The following PRIMA1 variants were observed in gnomAD, a reference collection of about 807,000 sequenced individuals.
The protein encoded by PRIMA1 is proline rich membrane anchor 1, also known as proline-rich membrane anchor 1.
In PRIMA1, 7 loss-of-function variants were observed where a neutral mutation model predicts 17.5. The observed-to-expected ratio is 0.40, with a 90% CI of 0.23 to 0.75. The LOEUF is 0.75. PRIMA1 is among the 30% of genes least tolerant of loss of function. The probability of loss-of-function intolerance (pLI) is 0.37; values close to 1 mark genes in which losing one functional copy is unlikely to be tolerated. For synonymous variants in PRIMA1, 97 were observed against 77.9 expected, an observed-to-expected ratio of 1.25 and a Z score of -1.29; for missense variants, 200 against 201.8, an observed-to-expected ratio of 0.99 and a Z score of 0.05.
chr14:93,721,399 G>T lies in PRIMA1; in HGVS notation c.*45C>A. ...CACCTGCTTTCCCATGTCCACCAGT[G>T]CCACCAAGGTGTCCCTCTGGCCAGC... is the stretch of plus-strand genomic sequence containing the variant. On this transcript the variant is annotated 3_prime_UTR_variant, in exon 5 of 5. Coordinates refer to ENST00000393140, the MANE Select transcript of PRIMA1 (RefSeq NM_178013.4). 1 of 1,292,390 alleles carries T rather than the reference G, an allele frequency of 7.7e-7. No individual in the cohort carries two copies. Among genetic ancestry groups the T allele is most frequent in the Non-Finnish European group, 1.1e-6 (1 of 891,186 alleles). 80.1% of individuals were successfully genotyped at this position (1,292,390 alleles called of 1,614,324 possible). A position where few individuals can be genotyped will look rare whatever the true frequency, so the allele number is the denominator to read the frequency against.
At chr14:93,721,711 G>A (rs1353618469) in intron 4 of PRIMA1, among the ~76,000 whole-genome samples, 165 bp from the exon 5 acceptor site, 3 of 152,208 alleles carry the variant, frequency 2.0e-5, no homozygotes, top group African/African-American at 7.2e-5. Context: ...TGGGCTGCTA[G>A]TCCTTGTGGG....
At chr14:93,747,801 G>GC (rs1439042035) in intron 3 of PRIMA1, among the ~76,000 whole-genome samples, 2 of 150,218 alleles carry the variant, frequency 1.3e-5, no homozygotes, top group African/African-American at 4.9e-5. Context: ...AGAGTGTAAG[G>GC]GGACTGAGTG....
intron 3 of PRIMA1, among the ~76,000 whole-genome samples, chr14:93,747,950 TGA>T (rs2076233880): frequency 7.4e-6 from 1 of 134,708 alleles, no homozygotes; most frequent in East Asian, 2.1e-4. Flanking sequence ...TGTGTGTGTA[TGA>T]GTGTGTGTGT....
chr14:93,719,513 G>A lies in PRIMA1; in HGVS notation c.*1931C>T, dbSNP rs148564096. On this transcript the variant is annotated 3_prime_UTR_variant, in exon 5 of 5. Transcript: ENST00000393140. ...CACTTTCTCATGGTTGCAGCACAGG[G>A]TGGTGTGTGCTTAGGGCTAGGGTCC... 1 of 152,658 alleles carries A rather than the reference G, an allele frequency of 6.6e-6. No homozygotes were observed. Among genetic ancestry groups the A allele is most frequent in the Non-Finnish European group, 1.5e-5 (1 of 68,288 alleles). The allele number at this position is 152,658 out of a possible 1,614,324, so 9.5% of individuals were successfully genotyped here. A position where few individuals can be genotyped will look rare whatever the true frequency, so the allele number is the denominator to read the frequency against.
At position 93,718,944 on chromosome 14, in the gene PRIMA1, G is replaced by C. The variant is rs146151343; in HGVS notation, c.*2500C>G. 2.6e-5 allele frequency: 4 copies of C among 152,310 alleles called. No individual in the cohort carries two copies. The East Asian group carries it at 7.7e-4, about 29-fold the overall frequency. The allele number at this position is 152,310 out of a possible 1,614,324, so 9.4% of individuals were successfully genotyped here. A position where few individuals can be genotyped will look rare whatever the true frequency, so the allele number is the denominator to read the frequency against. On this transcript the variant is annotated 3_prime_UTR_variant, in exon 5 of 5. Coordinates refer to ENST00000393140, the MANE Select transcript of PRIMA1 (RefSeq NM_178013.4). Reference sequence around the variant, plus strand: ...GGCTCATTTTAAATAAAAGTTCTAAGCTCAAATACTAGGCCGGCAGGGTTT... The same window carrying C: ...GGCTCATTTTAAATAAAAGTTCTAACCTCAAATACTAGGCCGGCAGGGTTT...
chr14:93,721,361 G>A lies in PRIMA1; in HGVS notation c.*83C>T. The A allele has an allele frequency of 1.2e-6, 1 of 855,834 alleles. No individual in the cohort carries two copies. Among genetic ancestry groups the A allele is most frequent in the East Asian group, 2.4e-5 (1 of 41,050 alleles). The allele number at this position is 855,834 out of a possible 1,614,324, so 53.0% of individuals were successfully genotyped here. Reference sequence around the variant, plus strand: ...CAATGAAGTCCTGGACAAGCTCAGGGTTAGCTCATGTCCACCTGCTTTCCC... The same window carrying A: ...CAATGAAGTCCTGGACAAGCTCAGGATTAGCTCATGTCCACCTGCTTTCCC... On this transcript the variant is annotated 3_prime_UTR_variant, in exon 5 of 5. Transcript: ENST00000393140.
At chr14:93,780,640 C>T (rs748510132) in intron 2 of PRIMA1, among the ~76,000 whole-genome samples, 48 of 151,882 alleles carry the variant, frequency 3.2e-4, no homozygotes, top group Non-Finnish European at 5.6e-4. Context: ...TGAGCCACAC[C>T]GATTAAATCA....
intron 3 of PRIMA1, among the ~76,000 whole-genome samples, chr14:93,762,978 C>T (rs564994644): frequency 3.6e-4 from 55 of 152,260 alleles, no homozygotes; most frequent in Non-Finnish European, 4.7e-4. Context: ...TCAAATGCCA[C>T]CTTCTCTTCA....
chr14:93,784,340 CTCT>C, intron 2 of PRIMA1, among the ~76,000 whole-genome samples: 1 of 152,260 alleles, frequency 6.6e-6, no homozygotes, highest in East Asian at 1.9e-4. Context: ...TGAGATGTCT[CTCT>C]TTTTTTTTGA....
At chr14:93,733,883 C>A (rs1310386538) in intron 4 of PRIMA1, among the ~76,000 whole-genome samples, 1 of 152,208 alleles carries the variant, frequency 6.6e-6, no homozygotes, top group Non-Finnish European at 1.5e-5. Context: ...ACAGCCCCAG[C>A]TGAGGTCAGC....
chr14:93,782,360 G>A (rs543241407), intron 2 of PRIMA1, among the ~76,000 whole-genome samples: 6 of 152,076 alleles, frequency 3.9e-5, no homozygotes, highest in South Asian at 2.1e-4. Flanking sequence ...GGCTGACGCC[G>A]GTAATCCCAA....
Position 93,721,153 on chromosome 14 carries a change from G to T in PRIMA1, c.*291C>A. On this transcript the variant is annotated 3_prime_UTR_variant, in exon 5 of 5. Coordinates refer to ENST00000393140, the MANE Select transcript of PRIMA1 (RefSeq NM_178013.4). ...AGTGCGCATGCTTTAGACAGCAGCT[G>T]GGGGCAGTCGACAGACCAGACACCA... 1 of 393,876 alleles carries T rather than the reference G, an allele frequency of 2.5e-6. No homozygotes were observed. Among genetic ancestry groups the T allele is most frequent in the Non-Finnish European group, 4.6e-6 (1 of 217,916 alleles). The allele number at this position is 393,876 out of a possible 1,614,324, so 24.4% of individuals were successfully genotyped here.
intron 3 of PRIMA1, among the ~76,000 whole-genome samples, chr14:93,746,131 A>C (rs2076216231): frequency 6.6e-6 from 1 of 152,058 alleles, no homozygotes; most frequent in African/African-American, 2.4e-5. Flanking sequence ...TGGTTGTTCC[A>C]GTACTTATGC....
chr14:93,737,188 C>G lies in PRIMA1; in HGVS notation c.359+53G>C, dbSNP rs899145169. On this transcript the variant is annotated intron_variant, in intron 4 of 4. Coordinates refer to ENST00000393140, the MANE Select transcript of PRIMA1 (RefSeq NM_178013.4). ...ACGGGATGTGTGTAGGAGCCCCAAG[C>G]CCAGCTGGGGTTCCCTTCGGCTTGA... The G allele has an allele frequency of 1.9e-6, 3 of 1,599,466 alleles. No individual in the cohort carries two copies. The African/African-American group carries it at 4.0e-5, about 21-fold the overall frequency.
Position 93,722,680 on chromosome 14 carries a change from G to A in PRIMA1, c.360-1134C>T, listed in dbSNP as rs914985424. Among the ~76,000 whole-genome samples the A allele has an allele frequency of 2.6e-5, 4 of 152,100 alleles. No homozygotes were observed. In the East Asian group the frequency reaches 7.7e-4, roughly 29 times the overall value. On this transcript the variant is annotated intron_variant, in intron 4 of 4. Transcript: ENST00000393140. Reference sequence around the variant, plus strand: ...TGGTGATAGCGGTAATGATGATGGGGTGATGATGGTAATGATGATGATAGT... The same window carrying A: ...TGGTGATAGCGGTAATGATGATGGGATGATGATGGTAATGATGATGATAGT...
chr14:93,786,548 T>C (rs546097035), intron 2 of PRIMA1, among the ~76,000 whole-genome samples: 10 of 152,136 alleles, frequency 6.6e-5, no homozygotes, highest in Non-Finnish European at 1.5e-4. Context: ...TTTCCTGGTC[T>C]GTCACCCCTA....
intron 3 of PRIMA1, among the ~76,000 whole-genome samples, chr14:93,770,496 T>C (rs556324838): frequency 3.3e-5 from 5 of 152,210 alleles, no homozygotes; most frequent in Non-Finnish European, 7.3e-5. Flanking sequence ...TTGCACATGC[T>C]GTTTCCTCTG....
intron 3 of PRIMA1, among the ~76,000 whole-genome samples, chr14:93,762,727 G>A (rs1156290237): frequency 6.6e-6 from 1 of 152,092 alleles, no homozygotes; most frequent in Non-Finnish European, 1.5e-5. Context: ...CCTGTCCTCA[G>A]CCCTACCTTA....
chr14:93,779,120 C>T (rs543038392), intron 3 of PRIMA1, 56 bp downstream of exon 3: 44 of 1,325,372 alleles, frequency 3.3e-5, no homozygotes, highest in Non-Finnish European at 4.2e-5. Flanking sequence ...AGTGGATCTT[C>T]GTGGGCCTAG....
Sources: gnomAD v4.1 joint callset for allele counts (sites outside exome capture counted in the v4.1 genomes callset) on GRCh38, gnomAD v4.1.1 for gene constraint, MANE v1.5 for transcripts, NCBI Gene and HGNC (gene_info 2026-07-23, HGNC 2026-07-21) for gene names.